Variants in ADGRL2 observed in about 807,000 individuals in gnomAD.
ADGRL2 encodes calcium-independent alpha-latrotoxin receptor 2.
ADGRL2 carries 44 observed loss-of-function variants against 157.4 expected under a neutral mutation model. The observed-to-expected ratio is 0.28, with a 90% confidence interval of 0.22 to 0.36. The LOEUF (loss-of-function observed/expected upper bound fraction) is 0.36. Ranked by LOEUF, ADGRL2 falls within the 10% of genes least tolerant of loss-of-function variation. The pLI is 1.00. For synonymous variants in ADGRL2, 585 were observed against 624.7 expected, an observed-to-expected ratio of 0.94 and a Z score of 0.95; for missense variants, 1,510 against 1,768.9, an observed-to-expected ratio of 0.85 and a Z score of 2.63.
intron 1 of ADGRL2, among the ~76,000 whole-genome samples, chr1:81,408,848 A>G (rs902101527): frequency 2.6e-5 from 4 of 152,220 alleles, no homozygotes; most frequent in African/African-American, 9.7e-5. Context: ...TTAAGCGTTC[A>G]TTAGTTTACA....
intron 2 of ADGRL2, among the ~76,000 whole-genome samples, chr1:81,850,055 C>T (rs709707): frequency 0.14 from 21,335 of 151,828 alleles, 1,631 homozygotes; most frequent in Admixed American, 0.22. Flanking sequence ...CGAAATACTC[C>T]TCCCCACTAC....
chr1:81,884,632 G>T (rs1188546760), intron 2 of ADGRL2, among the ~76,000 whole-genome samples: 4 of 152,100 alleles, frequency 2.6e-5, no homozygotes, highest in Admixed American at 6.6e-5. Context: ...CATAATCAGG[G>T]CTATTTTCTG....
At chr1:81,433,989 G>GTCTGACTTT (rs1254102776) in intron 1 of ADGRL2, among the ~76,000 whole-genome samples, 1 of 152,172 alleles carries the variant, frequency 6.6e-6, no homozygotes, top group Non-Finnish European at 1.5e-5. Context: ...GGAAGCCTTA[G>GTCTGACTTT]TCTGACTTTT....
intron 1 of ADGRL2, among the ~76,000 whole-genome samples, chr1:81,444,780 G>A (rs1017270630): frequency 6.6e-6 from 1 of 152,202 alleles, no homozygotes; most frequent in Non-Finnish European, 1.5e-5. Context: ...ACGTTGTTCA[G>A]TTCCAGGAAT....
chr1:81,567,871 T>C (rs970893288), intron 2 of ADGRL2, among the ~76,000 whole-genome samples: 13 of 152,122 alleles, frequency 8.5e-5, no homozygotes, highest in Admixed American at 2.6e-4. Context: ...ATTCCAATAG[T>C]TTATTCCTGC....
intron 1 of ADGRL2, among the ~76,000 whole-genome samples, chr1:81,706,304 G>T (rs149066462): frequency 6.6e-6 from 1 of 152,138 alleles, no homozygotes; most frequent in Non-Finnish European, 1.5e-5. Flanking sequence ...AAATTGACAG[G>T]GTTTTGCATA....
In ADGRL2 at chr1:81,836,982, A is replaced by G. The variant is rs1440971388; in HGVS notation, c.-3A>G. 3 of 1,577,396 alleles carry G rather than the reference A, an allele frequency of 1.9e-6. No homozygotes were observed. The highest frequency in any genetic ancestry group is 2.6e-6 in the Non-Finnish European group (3 of 1,159,774). On this transcript the variant is annotated 5_prime_UTR_variant, in exon 2 of 24. Coordinates refer to ENST00000686636, the MANE Select transcript of ADGRL2 (RefSeq NM_001366006.2). ...ACAAAGAAAATACTTAAAGGGATCAATAATGGTGTCTTCTGGTTGCAGAAT... is the reference window on the plus strand; with the variant it reads ...ACAAAGAAAATACTTAAAGGGATCAGTAATGGTGTCTTCTGGTTGCAGAAT...
At chr1:81,610,551 A>T (rs1240951111) in intron 3 of ADGRL2, among the ~76,000 whole-genome samples, 5 of 152,152 alleles carry the variant, frequency 3.3e-5, no homozygotes, top group Admixed American at 3.3e-4. Flanking sequence ...TCCAAATGTA[A>T]TGGGAATTTA....
intron 1 of ADGRL2, among the ~76,000 whole-genome samples, chr1:81,716,309 T>C (rs1570937681): frequency 6.6e-6 from 1 of 152,154 alleles, no homozygotes; most frequent in Non-Finnish European, 1.5e-5. Context: ...TTCCTTAGAT[T>C]ACTCGAGCTC....
intron 1 of ADGRL2, among the ~76,000 whole-genome samples, chr1:81,439,697 C>T (rs536260598): frequency 6.6e-6 from 1 of 152,234 alleles, no homozygotes; most frequent in African/African-American, 2.4e-5. Context: ...GGAGGTTTTA[C>T]AGTGCTCCTT....
intron 3 of ADGRL2, among the ~76,000 whole-genome samples, chr1:81,930,375 T>C (rs1003220705): frequency 2.6e-5 from 4 of 152,206 alleles, no homozygotes; most frequent in African/African-American, 9.6e-5. Flanking sequence ...TAATACACTT[T>C]TATAAAATGC....
chr1:81,627,156 A>T (rs2081926832), intron 3 of ADGRL2, among the ~76,000 whole-genome samples: 1 of 152,074 alleles, frequency 6.6e-6, no homozygotes, highest in Admixed American at 6.6e-5. Flanking sequence ...AGTCATGAAA[A>T]CCAAAACCAT....
chr1:81,910,082 A>G (rs1055036187), intron 3 of ADGRL2, among the ~76,000 whole-genome samples: 9 of 151,914 alleles, frequency 5.9e-5, no homozygotes, highest in Admixed American at 5.3e-4. Flanking sequence ...TCTACTAAAA[A>G]TATAAAGATT....
At chr1:81,910,244 C>CAATAATAATAATAAT (rs10631240) in intron 3 of ADGRL2, among the ~76,000 whole-genome samples, 18,381 of 142,856 alleles carry the variant, frequency 0.13, 1,669 homozygotes, top group East Asian at 0.48. Context: ...GCCTAAAAAA[C>CAATAATAATAATAAT]AATAATAATA....
chr1:81,967,596 C>G (rs922539157), intron 13 of ADGRL2, among the ~76,000 whole-genome samples: 3 of 152,104 alleles, frequency 2.0e-5, no homozygotes, highest in Admixed American at 6.6e-5. Context: ...TAGGTACTAA[C>G]AATATGATTT....
intron 1 of ADGRL2, among the ~76,000 whole-genome samples, chr1:81,389,569 T>C (rs1242287782): frequency 6.6e-6 from 1 of 152,168 alleles, no homozygotes; most frequent in Non-Finnish European, 1.5e-5. Context: ...AGGCAACGAA[T>C]GATTTCGGGT....
At chr1:81,617,259 T>A (rs141315575) in intron 3 of ADGRL2, among the ~76,000 whole-genome samples, 429 of 152,104 alleles carry the variant, frequency 2.8e-3, no homozygotes, top group African/African-American at 9.5e-3. Flanking sequence ...GCCTCGGATC[T>A]AGGTTGCACT....
Position 81,928,844 on chromosome 1 carries a change from T to C in ADGRL2, c.288-7884T>C, listed in dbSNP as rs146105405. On this transcript the variant is annotated intron_variant, in intron 3 of 23. Transcript: ENST00000686636. ...ATGATACCTTGGTACCTTGGAAGCA[T>C]TGATTTCACCTCCAAAAAGTGAGCA... 5.6e-3 allele frequency among the ~76,000 whole-genome samples: 846 copies of C among 152,130 alleles called. 12 individuals carry two copies. The highest frequency in any genetic ancestry group is 0.019 in the African/African-American group (796 of 41,510).
intron 3 of ADGRL2, among the ~76,000 whole-genome samples, chr1:81,649,740 T>G (rs1249560121): frequency 6.6e-6 from 1 of 152,208 alleles, no homozygotes; most frequent in Middle Eastern, 3.4e-3. Flanking sequence ...AAAACAGGCT[T>G]GGAGGGGTTA....
Sources: gnomAD v4.1 joint callset for allele counts (sites outside exome capture counted in the v4.1 genomes callset) on GRCh38, gnomAD v4.1.1 for gene constraint, MANE v1.5 for transcripts, NCBI Gene and HGNC (gene_info 2026-07-23, HGNC 2026-07-21) for gene names.